The following POTEM variants were observed in gnomAD, a reference collection of about 807,000 sequenced individuals.
The protein encoded by POTEM is POTE ankyrin domain family member M.
For missense variants in POTEM, 24 were observed against 343.0 expected (o/e 0.07, Z 7.35); for synonymous variants, 8 against 113.2 (o/e 0.07, Z 5.90).
At chr14:18,985,766 G>A (rs1891166087) in intron 7 of POTEM, among the ~76,000 whole-genome samples, 1 of 144,054 alleles carries the variant, frequency 6.9e-6, no homozygotes, top group South Asian at 2.1e-4. Flanking sequence ...TTAGCCGGGT[G>A]TGGTGGTGGG....
chr14:18,968,745 C>A (rs1890824537), intron 1 of POTEM, among the ~76,000 whole-genome samples: 2 of 152,410 alleles, frequency 1.3e-5, no homozygotes, highest in South Asian at 4.1e-4. Context: ...ATGGCGTGAA[C>A]CCGGGAGGCG....
chr14:18,996,130 A>T (rs1293712593), intron 9 of POTEM, among the ~76,000 whole-genome samples: 1 of 152,028 alleles, frequency 6.6e-6, no homozygotes, highest in Non-Finnish European at 1.5e-5. Flanking sequence ...TCTCTTGCCC[A>T]ATTGCTTTGC....
chr14:18,991,128 C>A (rs1490360198), intron 9 of POTEM, among the ~76,000 whole-genome samples: 4 of 128,924 alleles, frequency 3.1e-5, no homozygotes, highest in African/African-American at 5.3e-5. Context: ...AGGTGATCTG[C>A]CTGCCTTGGC....
chr14:18,991,058 A>AT, intron 9 of POTEM, among the ~76,000 whole-genome samples: 1 of 111,970 alleles, frequency 8.9e-6, no homozygotes, highest in East Asian at 2.6e-4. Context: ...TAATTTTTGT[A>AT]TTTTTAGTAG....
intron 1 of POTEM, among the ~76,000 whole-genome samples, chr14:18,968,541 C>T (rs1890818244): frequency 1.3e-5 from 2 of 150,844 alleles, no homozygotes; most frequent in Non-Finnish European, 3.0e-5. Context: ...AGCTTTTTGG[C>T]TGGGCGTGGT....
At chr14:18,985,775 G>T (rs1342595844) in intron 7 of POTEM, among the ~76,000 whole-genome samples, 2 of 143,620 alleles carry the variant, frequency 1.4e-5, no homozygotes, top group Admixed American at 7.0e-5. Context: ...TGTGGTGGTG[G>T]GCACCTGTAG....
chr14:18,999,472 C>A lies in POTEM; in HGVS notation c.*807C>A, dbSNP rs1402099850. Among the ~76,000 whole-genome samples, 3 of 107,230 alleles carry A rather than the reference C, an allele frequency of 2.8e-5. No individual in the cohort carries two copies. Among genetic ancestry groups the A allele is most frequent in the African/African-American group, 9.5e-5 (3 of 31,666 alleles). The allele number at this position is 107,230 out of a possible 152,430, so 70.3% of individuals were successfully genotyped here. ...ACCGAGCGTGGCTATAGTTTCACCA[C>A]CATGGCCGAGCAGGAAATCGTGCGT... On this transcript the variant is annotated 3_prime_UTR_variant, in exon 11 of 11. Transcript: ENST00000547889.
intron 1 of POTEM, among the ~76,000 whole-genome samples, chr14:18,968,544 G>T (rs1890818270): frequency 6.6e-6 from 1 of 150,652 alleles, no homozygotes; most frequent in South Asian, 2.1e-4. Flanking sequence ...TTTTTGGCTG[G>T]GCGTGGTGGC....
chr14:18,996,135 C>CTT (rs1325799437), intron 9 of POTEM, among the ~76,000 whole-genome samples: 2 of 152,178 alleles, frequency 1.3e-5, no homozygotes, highest in Admixed American at 1.3e-4. Context: ...TGCCCAATTG[C>CTT]TTTGCCTAGG....
intron 6 of POTEM, among the ~76,000 whole-genome samples, chr14:18,982,479 C>T (rs1891108012): frequency 1.4e-5 from 2 of 140,936 alleles, no homozygotes; most frequent in South Asian, 4.7e-4. Context: ...AGCAAACAGG[C>T]ATGACTGAGC....
intron 3 of POTEM, among the ~76,000 whole-genome samples, chr14:18,975,492 T>G (rs1890943465): frequency 6.7e-6 from 1 of 148,208 alleles, no homozygotes. Context: ...ACTGATTATT[T>G]AGTAACAATC....
At chr14:18,968,741 T>C (rs1440007148) in intron 1 of POTEM, among the ~76,000 whole-genome samples, 1 of 152,250 alleles carries the variant, frequency 6.6e-6, no homozygotes, top group African/African-American at 2.4e-5. Flanking sequence ...GAGAATGGCG[T>C]GAACCCGGGA....
chr14:19,000,433 TTATTTA>T lies in POTEM; in HGVS notation c.*1769_*1774del, dbSNP rs1891368300. 7.0e-6 allele frequency among the ~76,000 whole-genome samples: 1 copy of T among 143,162 alleles called. No individual in the cohort carries two copies. Among genetic ancestry groups the T allele is most frequent in the Non-Finnish European group, 1.5e-5 (1 of 66,860 alleles). 93.9% of individuals were successfully genotyped at this position (143,162 alleles called of 152,430 possible). On this transcript the variant is annotated 3_prime_UTR_variant, in exon 11 of 11. Transcript: ENST00000547889. ...TGCCTAAATACTTTTTAATTTTGTT[TTATTTA>T]GAATGATCAGCCTTCGCGGCCCCCC...
intron 4 of POTEM, among the ~76,000 whole-genome samples, chr14:18,976,677 T>C: frequency 1.1e-4 from 3 of 26,114 alleles, no homozygotes; most frequent in South Asian, 1.8e-3. Flanking sequence ...AACAGCTTTT[T>C]TCCTTTTTTA....
Position 19,002,806 on chromosome 14 carries a change from C to T in POTEM, c.*4141C>T, listed in dbSNP as rs867175588. On this transcript the variant is annotated 3_prime_UTR_variant, in exon 11 of 11. Transcript: ENST00000547889. ...ACTGCAGCCCTTTATATGGAAACTTCCTACATCACTTTGCTGTGTGTGTTT... is the reference window on the plus strand; with the variant it reads ...ACTGCAGCCCTTTATATGGAAACTTTCTACATCACTTTGCTGTGTGTGTTT... 7.9e-5 allele frequency among the ~76,000 whole-genome samples: 12 copies of T among 152,320 alleles called. No homozygotes were observed. Among genetic ancestry groups the T allele is most frequent in the Admixed American group, 2.6e-4 (4 of 15,300 alleles).
intron 7 of POTEM, among the ~76,000 whole-genome samples, chr14:18,985,889 G>A (rs1185541001): frequency 1.5e-5 from 2 of 129,898 alleles, no homozygotes; most frequent in Non-Finnish European, 1.5e-5. Flanking sequence ...GGGTGACAGA[G>A]CAAGACTCTG....
At chr14:18,968,415 T>G (rs1262518145) in intron 1 of POTEM, among the ~76,000 whole-genome samples, 1 of 152,270 alleles carries the variant, frequency 6.6e-6, no homozygotes, top group African/African-American at 2.4e-5. Context: ...CAGTATGGAT[T>G]TTATATCAAT....
intron 9 of POTEM, among the ~76,000 whole-genome samples, chr14:18,996,499 C>T (rs1279830522): frequency 2.0e-3 from 255 of 127,150 alleles, no homozygotes; most frequent in African/African-American, 3.9e-3. Flanking sequence ...CACTCTCTGT[C>T]GCTCGCATTA....
At chr14:18,990,674 A>G (rs1392910267) in intron 9 of POTEM, among the ~76,000 whole-genome samples, 1 of 712 alleles carries the variant, frequency 1.4e-3, no homozygotes, top group African/African-American at 5.4e-3. Context: ...CTTACACCTC[A>G]TTTTATTTAA....
Sources: allele counts gnomAD v4.1 joint callset (sites outside exome capture counted in the v4.1 genomes callset), GRCh38; gene constraint gnomAD v4.1.1; transcripts MANE v1.5; gene names NCBI Gene and HGNC (gene_info 2026-07-23, HGNC 2026-07-21).